Variants in RAB28 observed in about 807,000 individuals in gnomAD.
RAB28 encodes the protein RAB28, member RAS oncogene family.
RAB28 carries 24 observed loss-of-function variants against 31.7 expected under a neutral mutation model. That is an observed-to-expected ratio of 0.76 (90% CI 0.55 to 1.06). The LOEUF (loss-of-function observed/expected upper bound fraction) is 1.06. RAB28 is among the 50% of genes least tolerant of loss of function. RAB28 has a pLI of 0.00. For missense variants in RAB28, 254 were observed against 258.5 expected, an observed-to-expected ratio of 0.98 and a Z score of 0.12; for synonymous variants, 100 against 90.4, an observed-to-expected ratio of 1.11 and a Z score of -0.60.
rs978754515 is a variant in RAB28 at position 13,484,268 on chromosome 4, C to T, written c.-118G>A. The T allele has an allele frequency of 2.6e-6, 2 of 755,148 alleles. No homozygotes were observed. Among genetic ancestry groups the T allele is most frequent in the African/African-American group, 3.5e-5 (2 of 57,712 alleles). 46.8% of individuals were successfully genotyped at this position (755,148 alleles called of 1,614,324 possible). A position where few individuals can be genotyped will look rare whatever the true frequency, so the allele number is the denominator to read the frequency against. ...TGCGGCAGGACCCCCGCCCCGGTGT[C>T]TCCGCGCCGGCAGGAGGTATTCGAG... On this transcript the variant is annotated 5_prime_UTR_variant, in exon 1 of 7. Coordinates refer to ENST00000330852, the MANE Select transcript of RAB28 (RefSeq NM_001017979.3).
intron 4 of RAB28, among the ~76,000 whole-genome samples, chr4:13,426,731 T>G (rs2108927097): frequency 6.6e-6 from 1 of 152,322 alleles, no homozygotes; most frequent in Non-Finnish European, 1.5e-5. Flanking sequence ...ATATATTACC[T>G]TATTATACTG....
intron 4 of RAB28, among the ~76,000 whole-genome samples, chr4:13,389,812 T>G (rs1729546328): frequency 6.6e-6 from 1 of 152,158 alleles, no homozygotes; most frequent in Admixed American, 6.5e-5. Flanking sequence ...AAAAACCACA[T>G]GATTATCTCA....
chr4:13,394,387 A>G (rs1729781401), intron 4 of RAB28, among the ~76,000 whole-genome samples: 1 of 152,152 alleles, frequency 6.6e-6, no homozygotes, highest in Admixed American at 6.5e-5. Flanking sequence ...GCTGTTCATA[A>G]TAGGGTTCAC....
chr4:13,481,927 T>A (rs1253375583), intron 1 of RAB28, among the ~76,000 whole-genome samples: 1 of 152,030 alleles, frequency 6.6e-6, no homozygotes, highest in African/African-American at 2.4e-5. Flanking sequence ...GGAAAAAGAA[T>A]GGGAATGTTG....
intron 3 of RAB28, among the ~76,000 whole-genome samples, chr4:13,466,340 G>A (rs75274448): frequency 0.032 from 4,813 of 151,858 alleles, 104 homozygotes; most frequent in Non-Finnish European, 0.054. Flanking sequence ...CAAAATATAC[G>A]AGGAACTCAA....
At chr4:13,396,814 G>A (rs1729892292) in intron 4 of RAB28, among the ~76,000 whole-genome samples, 2 of 152,002 alleles carry the variant, frequency 1.3e-5, no homozygotes, top group South Asian at 4.1e-4. Flanking sequence ...AAGGATATCT[G>A]CCATATTCAC....
intron 4 of RAB28, among the ~76,000 whole-genome samples, chr4:13,395,602 C>T (rs1024560902): frequency 2.0e-5 from 3 of 152,008 alleles, no homozygotes; most frequent in Non-Finnish European, 4.4e-5. Flanking sequence ...ATCTCCACTG[C>T]ATCCACCTAT....
intron 1 of RAB28, among the ~76,000 whole-genome samples, chr4:13,479,775 T>G (rs542024627): frequency 1.8e-4 from 28 of 151,470 alleles, no homozygotes; most frequent in Admixed American, 7.9e-4. Flanking sequence ...CTTGTCAAGA[T>G]CCTTTTCCTT....
chr4:13,451,042 A>G (rs1167251505), intron 4 of RAB28, among the ~76,000 whole-genome samples: 1 of 151,864 alleles, frequency 6.6e-6, no homozygotes, highest in Non-Finnish European at 1.5e-5. Flanking sequence ...AAAGTCTTAT[A>G]ATCTGATCTG....
intron 4 of RAB28, among the ~76,000 whole-genome samples, chr4:13,396,570 C>G (rs1729881363): frequency 6.6e-6 from 1 of 152,040 alleles, no homozygotes; most frequent in African/African-American, 2.4e-5. Context: ...AACCAACCTT[C>G]TTATAAATAT....
chr4:13,429,370 T>A lies in RAB28; in HGVS notation c.391+31329A>T, dbSNP rs990614926. On this transcript the variant is annotated intron_variant, in intron 4 of 6. Coordinates refer to ENST00000330852, the MANE Select transcript of RAB28 (RefSeq NM_001017979.3). ...TATTTGCAGATGACATGGTCTTATATATTGAAAATCTTGAAGAATCCACAA... is the reference window on the plus strand; with the variant it reads ...TATTTGCAGATGACATGGTCTTATAAATTGAAAATCTTGAAGAATCCACAA... Among the ~76,000 whole-genome samples the A allele has an allele frequency of 3.3e-5, 5 of 152,184 alleles. No homozygotes were observed. In the Middle Eastern group the frequency reaches 9.5e-3, roughly 289 times the overall value.
chr4:13,408,568 G>A (rs146453958), intron 4 of RAB28, among the ~76,000 whole-genome samples: 261 of 151,976 alleles, frequency 1.7e-3, no homozygotes, highest in African/African-American at 5.9e-3. Flanking sequence ...TCTATTGCTT[G>A]GAATAGCAAA....
chr4:13,433,864 A>G (rs771853762), intron 4 of RAB28, among the ~76,000 whole-genome samples: 1 of 152,174 alleles, frequency 6.6e-6, no homozygotes, highest in Non-Finnish European at 1.5e-5. Flanking sequence ...ATATGCTCAT[A>G]TGCTCATTGA....
intron 4 of RAB28, among the ~76,000 whole-genome samples, chr4:13,414,116 G>A (rs1712612847): frequency 6.6e-6 from 1 of 152,108 alleles, no homozygotes; most frequent in Non-Finnish European, 1.5e-5. Context: ...ACGAGTCTCT[G>A]CACTCAGAAA....
intron 3 of RAB28, among the ~76,000 whole-genome samples, chr4:13,471,458 T>C (rs764989364): frequency 6.6e-6 from 1 of 152,096 alleles, no homozygotes; most frequent in Non-Finnish European, 1.5e-5. Context: ...ATAGCATTTA[T>C]TTGGAATCTC....
intron 4 of RAB28, among the ~76,000 whole-genome samples, chr4:13,446,250 C>T (rs986439982): frequency 3.3e-5 from 5 of 152,254 alleles, no homozygotes; most frequent in Admixed American, 2.6e-4. Context: ...CGACTCCAGA[C>T]TGCTGTGCTG....
At chr4:13,415,213 T>C (rs1262911249) in intron 4 of RAB28, among the ~76,000 whole-genome samples, 1 of 152,176 alleles carries the variant, frequency 6.6e-6, no homozygotes, top group African/African-American at 2.4e-5. Context: ...TGAAAATATG[T>C]AAGTAGTATT....
At chr4:13,395,700 AT>A (rs1359681706) in intron 4 of RAB28, among the ~76,000 whole-genome samples, 3 of 152,110 alleles carry the variant, frequency 2.0e-5, no homozygotes, top group African/African-American at 4.8e-5. Context: ...GACATATCAA[AT>A]GTATCAGAGC....
At chr4:13,412,063 C>T (rs907620621) in intron 4 of RAB28, among the ~76,000 whole-genome samples, 26 of 150,602 alleles carry the variant, frequency 1.7e-4, no homozygotes, top group African/African-American at 6.3e-4. Flanking sequence ...CTTTGCTGAA[C>T]CTATGAAACA....
Sources: gnomAD v4.1 joint callset for allele counts (sites outside exome capture counted in the v4.1 genomes callset) on GRCh38, gnomAD v4.1.1 for gene constraint, MANE v1.5 for transcripts, NCBI Gene and HGNC (gene_info 2026-07-23, HGNC 2026-07-21) for gene names.